HMGN3: variants seen among roughly 807,000 people sequenced by gnomAD.
HMGN3 encodes high mobility group nucleosomal binding domain 3.
In HMGN3, 6 loss-of-function variants were observed where a neutral mutation model predicts 18.8. The ratio of observed to expected loss-of-function variants is 0.32; its 90% confidence interval spans 0.18 to 0.63. The LOEUF (loss-of-function observed/expected upper bound fraction) is 0.63, where lower values mean the gene tolerates loss of function less well. Ranked by LOEUF, HMGN3 falls within the 30% of genes least tolerant of loss-of-function variation. The pLI is 0.79. For missense variants in HMGN3, 107 were observed against 114.2 expected, an observed-to-expected ratio of 0.94 and a Z score of 0.29; for synonymous variants, 40 against 36.5, an observed-to-expected ratio of 1.10 and a Z score of -0.35.
At chr6:79,212,331 T>C (rs1051855928) in intron 2 of HMGN3, among the ~76,000 whole-genome samples, 3 of 152,210 alleles carry the variant, frequency 2.0e-5, no homozygotes, top group South Asian at 4.1e-4. Context: ...TCTGTCAATC[T>C]GTCCTCAAAA....
At chr6:79,217,321 A>G (rs1052769536) in intron 1 of HMGN3, among the ~76,000 whole-genome samples, 3 of 152,196 alleles carry the variant, frequency 2.0e-5, no homozygotes, top group African/African-American at 7.2e-5. Flanking sequence ...ATGTGAGCTC[A>G]AGACACCTGG....
intron 2 of HMGN3, among the ~76,000 whole-genome samples, chr6:79,212,397 C>A (rs1012520199): frequency 1.3e-5 from 2 of 152,160 alleles, no homozygotes; most frequent in African/African-American, 4.8e-5. Context: ...TTCTTCATAG[C>A]TAATATTCAA....
At chr6:79,211,323 T>C (rs1365946275) in intron 2 of HMGN3, among the ~76,000 whole-genome samples, 1 of 152,174 alleles carries the variant, frequency 6.6e-6, no homozygotes, top group Non-Finnish European at 1.5e-5. Context: ...CTGTAAATTA[T>C]TGGACTATAT....
At chr6:79,216,631 A>G (rs1196836062) in intron 1 of HMGN3, among the ~76,000 whole-genome samples, 1 of 152,144 alleles carries the variant, frequency 6.6e-6, no homozygotes, top group Non-Finnish European at 1.5e-5. Context: ...AACCTTCTCA[A>G]TTATGAAGAA....
intron 1 of HMGN3, among the ~76,000 whole-genome samples, chr6:79,216,718 T>G (rs151039195): frequency 6.6e-6 from 1 of 152,352 alleles, no homozygotes; most frequent in East Asian, 1.9e-4. Context: ...ATCAGTCAGT[T>G]GTGGTAGAGA....
chr6:79,208,836 G>A (rs1776547204), intron 2 of HMGN3, among the ~76,000 whole-genome samples: 2 of 152,140 alleles, frequency 1.3e-5, no homozygotes, highest in South Asian at 4.1e-4. Context: ...TGGTGAATAA[G>A]TAAGGGAAAT....
At position 79,221,961 on chromosome 6, in the gene HMGN3, T is replaced by C. The variant is rs571897365; in HGVS notation, c.16-6939A>G. 1.1e-3 allele frequency among the ~76,000 whole-genome samples: 174 copies of C among 152,194 alleles called. 1 individual carries two copies. The Middle Eastern group carries it at 0.014, about 12-fold the overall frequency. On this transcript the variant is annotated intron_variant, in intron 1 of 5. Transcript: ENST00000344726. Reference sequence around the variant, plus strand: ...TGTAGTACAAATTCATTGGTACACATAGGCTCTTAGTTACTTAGAGTTTTA... The same window carrying C: ...TGTAGTACAAATTCATTGGTACACACAGGCTCTTAGTTACTTAGAGTTTTA...
At chr6:79,218,085 A>T (rs1409019265) in intron 1 of HMGN3, among the ~76,000 whole-genome samples, 1 of 152,222 alleles carries the variant, frequency 6.6e-6, no homozygotes, top group South Asian at 2.1e-4. Context: ...GAGACGTTTT[A>T]ACTTTTTGTT....
At chr6:79,209,889 C>G (rs1014857338) in intron 2 of HMGN3, among the ~76,000 whole-genome samples, 12 of 152,266 alleles carry the variant, frequency 7.9e-5, no homozygotes, top group African/African-American at 2.6e-4. Context: ...CCTGGAGTCT[C>G]GAAGAAAGAT....
chr6:79,232,606 T>G (rs1777899984), intron 1 of HMGN3, among the ~76,000 whole-genome samples: 2 of 152,026 alleles, frequency 1.3e-5, no homozygotes, highest in Admixed American at 1.3e-4. Context: ...TTTTAGTTTT[T>G]TTTTTTTTTC....
chr6:79,230,631 T>C (rs578196293), intron 1 of HMGN3, among the ~76,000 whole-genome samples: 2 of 152,350 alleles, frequency 1.3e-5, no homozygotes, highest in African/African-American at 2.4e-5. Flanking sequence ...TTCTGTCTAC[T>C]TGAGTCTTCA....
At chr6:79,207,521 A>G (rs1407460561) in intron 3 of HMGN3, among the ~76,000 whole-genome samples, 4 of 152,206 alleles carry the variant, frequency 2.6e-5, no homozygotes, top group Admixed American at 2.0e-4. Context: ...ACATGGAACT[A>G]TAAGTCCAAT....
At chr6:79,233,201 G>T (rs1339296101) in intron 1 of HMGN3, among the ~76,000 whole-genome samples, 1 of 152,162 alleles carries the variant, frequency 6.6e-6, no homozygotes, top group Non-Finnish European at 1.5e-5. Context: ...GGGTAACACC[G>T]CTCAAGCTGT....
At chr6:79,221,242 G>A (rs1397952579) in intron 1 of HMGN3, among the ~76,000 whole-genome samples, 1 of 152,138 alleles carries the variant, frequency 6.6e-6, no homozygotes, top group African/African-American at 2.4e-5. Flanking sequence ...TACAAGACAT[G>A]TAATATAACT....
At chr6:79,202,966 C>T (rs943783569) in intron 4 of HMGN3, among the ~76,000 whole-genome samples, 4 of 152,192 alleles carry the variant, frequency 2.6e-5, no homozygotes, top group African/African-American at 9.6e-5. Context: ...AAACAATTCA[C>T]ATGGGACAAT....
intron 2 of HMGN3, among the ~76,000 whole-genome samples, chr6:79,213,150 G>T (rs1439823827): frequency 1.4e-5 from 2 of 146,960 alleles, no homozygotes; most frequent in African/African-American, 5.5e-5. Flanking sequence ...TGAGATGGGA[G>T]AATCACTTGA....
intron 1 of HMGN3, among the ~76,000 whole-genome samples, chr6:79,223,737 AC>A (rs1777419866): frequency 1.9e-5 from 1 of 53,040 alleles, no homozygotes. Context: ...CACTAGAGTT[AC>A]CTTTTTTTTT....
chr6:79,204,720 A>C (rs1381028559), intron 3 of HMGN3, among the ~76,000 whole-genome samples: 1 of 152,202 alleles, frequency 6.6e-6, no homozygotes, highest in Admixed American at 6.5e-5. Flanking sequence ...GCATAAAGTG[A>C]AATTGTAGAC....
At chr6:79,202,333 C>T (rs1381680163) in exon 5 of HMGN3, 3 of 1,614,036 alleles carry the variant, frequency 1.9e-6, no homozygotes, top group Non-Finnish European at 2.5e-6. Flanking sequence ...TTCCAGCTTC[C>T]TGCTTTTCCT....
Sources: gnomAD v4.1 joint callset for allele counts (sites outside exome capture counted in the v4.1 genomes callset) on GRCh38, gnomAD v4.1.1 for gene constraint, MANE v1.5 for transcripts, NCBI Gene and HGNC (gene_info 2026-07-23, HGNC 2026-07-21) for gene names.